SLC35F4: variants seen among roughly 807,000 people sequenced by gnomAD.
SLC35F4 encodes chromosome 14 open reading frame 36.
Under a neutral mutation model 44.2 loss-of-function variants are expected in SLC35F4, and 24 were observed. The observed-to-expected ratio is 0.54, with a 90% CI of 0.39 to 0.76. The LOEUF (loss-of-function observed/expected upper bound fraction) is 0.76, where lower values mean the gene tolerates loss of function less well. Among genes scored for constraint, SLC35F4 ranks in the 30% least tolerant of loss-of-function variants. The pLI is 0.00. For synonymous variants in SLC35F4, 238 were observed against 223.6 expected, an observed-to-expected ratio of 1.06 and a Z score of -0.57; for missense variants, 562 against 586.1, an observed-to-expected ratio of 0.96 and a Z score of 0.42.
At chr14:57,913,808 T>C (rs1018414935) in intron 1 of SLC35F4, among the ~76,000 whole-genome samples, 1 of 152,254 alleles carries the variant, frequency 6.6e-6, no homozygotes, top group Middle Eastern at 3.2e-3. Context: ...GTTTCTAATC[T>C]ATACCATTTT....
At chr14:57,586,973 A>G (rs8009805) in intron 3 of SLC35F4, among the ~76,000 whole-genome samples, 2 of 147,802 alleles carry the variant, frequency 1.4e-5, no homozygotes, top group Non-Finnish European at 3.0e-5. Context: ...AAAACCAACA[A>G]ACACTTCTCA....
chr14:57,730,214 T>G (rs183118070), intron 1 of SLC35F4, among the ~76,000 whole-genome samples: 2 of 152,216 alleles, frequency 1.3e-5, no homozygotes, highest in East Asian at 3.9e-4. Context: ...GTGAAAGTAC[T>G]TTTTTTTGTG....
chr14:57,661,415 T>A (rs1173540507), intron 1 of SLC35F4, among the ~76,000 whole-genome samples: 2 of 152,176 alleles, frequency 1.3e-5, no homozygotes, highest in South Asian at 2.1e-4. Context: ...CACATATTTA[T>A]CTGAATATTT....
At chr14:57,867,153 G>A (rs527292515), upstream of SLC35F4, among the ~76,000 whole-genome samples, 8 of 151,768 alleles carry the variant, frequency 5.3e-5, no homozygotes, top group African/African-American at 1.7e-4. Flanking sequence ...CTAAAGCTTA[G>A]GGAGAAGAAA....
chr14:57,844,407 T>C (rs1238592630), intron 1 of SLC35F4, among the ~76,000 whole-genome samples: 1 of 152,218 alleles, frequency 6.6e-6, no homozygotes, highest in Non-Finnish European at 1.5e-5. Flanking sequence ...CTTCTGTTTC[T>C]GAAGAGAACT....
intron 1 of SLC35F4, among the ~76,000 whole-genome samples, chr14:57,925,498 G>GAA (rs1404349449): frequency 0.38 from 5,255 of 13,938 alleles, 195 homozygotes; most frequent in Non-Finnish European, 0.45. Context: ...AGGAAGGAAG[G>GAA]GAGGGAGGGA....
chr14:57,939,308 G>C (rs1230106689), intron 1 of SLC35F4, among the ~76,000 whole-genome samples: 1 of 152,178 alleles, frequency 6.6e-6, no homozygotes, highest in Non-Finnish European at 1.5e-5. Context: ...GTCACAGCTA[G>C]ACCTCAAAGC....
chr14:57,772,969 CCAA>C (rs1416324229), intron 1 of SLC35F4, among the ~76,000 whole-genome samples: 2 of 152,180 alleles, frequency 1.3e-5, no homozygotes, highest in Non-Finnish European at 2.9e-5. Flanking sequence ...TTACATTCCA[CCAA>C]CAACATATAA....
chr14:57,755,114 C>A (rs1286820068), intron 1 of SLC35F4, among the ~76,000 whole-genome samples: 1 of 152,150 alleles, frequency 6.6e-6, no homozygotes, highest in Non-Finnish European at 1.5e-5. Context: ...TCAGTTGTTC[C>A]CTTGACCCCC....
chr14:57,776,907 G>A (rs1008946340), intron 1 of SLC35F4, among the ~76,000 whole-genome samples: 5 of 152,070 alleles, frequency 3.3e-5, no homozygotes, highest in African/African-American at 1.2e-4. Context: ...AAATGCCGAG[G>A]GTCTCGTAAG....
chr14:57,877,775 C>T (rs1299537419), intron 1 of SLC35F4, among the ~76,000 whole-genome samples: 1 of 143,496 alleles, frequency 7.0e-6, no homozygotes, highest in Non-Finnish European at 1.5e-5. Flanking sequence ...ACCTCTGCCT[C>T]CTGGGTTCAA....
intron 1 of SLC35F4, among the ~76,000 whole-genome samples, chr14:57,650,498 T>C (rs2073739656): frequency 6.6e-6 from 1 of 152,126 alleles, no homozygotes; most frequent in African/African-American, 2.4e-5. Flanking sequence ...ACACCTCAAC[T>C]ACGTCTACTT....
intron 1 of SLC35F4, among the ~76,000 whole-genome samples, chr14:57,844,051 T>C (rs567868073): frequency 6.6e-6 from 1 of 152,168 alleles, no homozygotes; most frequent in Non-Finnish European, 1.5e-5. Context: ...GTTCAATTTT[T>C]ATTGAAGATA....
At chr14:57,970,073 C>T (rs1310682283) in intron 1 of SLC35F4, among the ~76,000 whole-genome samples, 1 of 152,166 alleles carries the variant, frequency 6.6e-6, no homozygotes, top group African/African-American at 2.4e-5. Flanking sequence ...TTCACACTTC[C>T]AATTATTTAC....
At chr14:57,854,446 T>TAA in intron 1 of SLC35F4, among the ~76,000 whole-genome samples, 1 of 152,280 alleles carries the variant, frequency 6.6e-6, no homozygotes, top group Admixed American at 6.5e-5. Context: ...CATACATAGC[T>TAA]AAAAAAAGAA....
At chr14:57,817,732 G>C (rs1882760529) in intron 1 of SLC35F4, among the ~76,000 whole-genome samples, 1 of 152,098 alleles carries the variant, frequency 6.6e-6, no homozygotes, top group Non-Finnish European at 1.5e-5. Context: ...ACCTGATTCT[G>C]ACCCAAAAAT....
chr14:57,644,056 T>A (rs1174415177), intron 1 of SLC35F4, among the ~76,000 whole-genome samples: 1 of 152,210 alleles, frequency 6.6e-6, no homozygotes, highest in African/African-American at 2.4e-5. Context: ...TTTGCTATTA[T>A]GAATAGTGCC....
chr14:57,958,726 T>C (rs966898231), intron 1 of SLC35F4, among the ~76,000 whole-genome samples: 6 of 152,216 alleles, frequency 3.9e-5, no homozygotes, highest in African/African-American at 1.4e-4. Context: ...TTTTAAAAAC[T>C]GGCAATACCA....
At chr14:57,678,607 G>C (rs111337832) in intron 1 of SLC35F4, among the ~76,000 whole-genome samples, 22,357 of 151,760 alleles carry the variant, frequency 0.15, 1,884 homozygotes, top group East Asian at 0.29. Flanking sequence ...CCACTACTGT[G>C]CTGTATTCAG....
Sources: allele counts gnomAD v4.1 joint callset (sites outside exome capture counted in the v4.1 genomes callset), GRCh38; gene constraint gnomAD v4.1.1; transcripts MANE v1.5; gene names NCBI Gene and HGNC (gene_info 2026-07-23, HGNC 2026-07-21).